The following RBFOX3 variants were observed in gnomAD, a reference collection of about 807,000 sequenced individuals.
RBFOX3 encodes the protein RNA binding protein fox-1 homolog 3.
In RBFOX3, 17 loss-of-function variants were observed where a neutral mutation model predicts 48.7. The observed-to-expected ratio is 0.35, with a 90% CI of 0.24 to 0.52. The LOEUF is 0.52. Among genes scored for constraint, RBFOX3 ranks in the 20% least tolerant of loss-of-function variants. RBFOX3 has a pLI of 0.94. For synonymous variants in RBFOX3, 212 were observed against 209.5 expected (o/e 1.01, Z -0.10); for missense variants, 382 against 497.5 (o/e 0.77, Z 2.21).
intron 1 of RBFOX3, among the ~76,000 whole-genome samples, chr17:79,568,744 C>A (rs2144472523): frequency 6.6e-6 from 1 of 152,270 alleles, no homozygotes; most frequent in Non-Finnish European, 1.5e-5. Context: ...CCAGCTCCGC[C>A]CCCATTTAAA....
At chr17:79,584,363 AT>A (rs1467335985) in intron 1 of RBFOX3, among the ~76,000 whole-genome samples, 3 of 152,266 alleles carry the variant, frequency 2.0e-5, no homozygotes, top group Non-Finnish European at 4.4e-5. Flanking sequence ...TAGAACTACC[AT>A]TTGATCCAAC....
At chr17:79,179,377 A>C (rs757640801) in intron 4 of RBFOX3, among the ~76,000 whole-genome samples, 5 of 152,232 alleles carry the variant, frequency 3.3e-5, no homozygotes, top group Admixed American at 6.5e-5. Context: ...CCTCCACGGA[A>C]GCTTCCGGTG....
At chr17:79,190,110 C>T (rs1373752810) in intron 4 of RBFOX3, among the ~76,000 whole-genome samples, 1 of 152,230 alleles carries the variant, frequency 6.6e-6, no homozygotes, top group African/African-American at 2.4e-5. Context: ...CTCTTTCCCC[C>T]AATCAAATAA....
upstream of RBFOX3, among the ~76,000 whole-genome samples, chr17:79,615,118 G>A (rs1309556477): frequency 2.0e-5 from 3 of 151,962 alleles, no homozygotes; most frequent in Non-Finnish European, 2.9e-5. Context: ...GAGCAGGAAC[G>A]AGAATAGCTC....
rs113753595 is a variant in RBFOX3 at position 79,381,209 on chromosome 17, A to C, written c.-174-73385T>G. ...TGGGAGGCGGAGGTTGCAATGAGCC[A>C]AGATCCCGCCACTGCATTCCAGCCT... On this transcript the variant is annotated intron_variant, in intron 2 of 14. Transcript: ENST00000693108. Among the ~76,000 whole-genome samples the C allele has an allele frequency of 2.5e-3, 380 of 152,020 alleles. 2 individuals carry two copies. The highest frequency in any genetic ancestry group is 8.9e-3 in the African/African-American group (367 of 41,462).
At chr17:79,422,956 C>T (rs547502904) in intron 2 of RBFOX3, among the ~76,000 whole-genome samples, 4 of 152,258 alleles carry the variant, frequency 2.6e-5, no homozygotes, top group Admixed American at 6.5e-5. Context: ...CAGGGGTGCA[C>T]AGAAAAGGCC....
At chr17:79,202,666 C>G (rs2056938257) in intron 4 of RBFOX3, among the ~76,000 whole-genome samples, 2 of 152,260 alleles carry the variant, frequency 1.3e-5, no homozygotes. Flanking sequence ...CCCTCCTGCT[C>G]TTTTATTCCA....
intron 5 of RBFOX3, among the ~76,000 whole-genome samples, chr17:79,112,389 C>T (rs1021162154): frequency 2.6e-5 from 4 of 152,178 alleles, no homozygotes; most frequent in African/African-American, 7.2e-5. Context: ...TGAACACGGA[C>T]TTCCCACCAA....
intron 2 of RBFOX3, among the ~76,000 whole-genome samples, chr17:79,462,248 C>G (rs148164799): frequency 6.6e-6 from 1 of 152,196 alleles, no homozygotes; most frequent in African/African-American, 2.4e-5. Flanking sequence ...AACGATGTAA[C>G]GATAAGATGC....
At chr17:79,271,745 G>A (rs1249434340) in intron 3 of RBFOX3, among the ~76,000 whole-genome samples, 1 of 105,168 alleles carries the variant, frequency 9.5e-6, no homozygotes, top group East Asian at 3.9e-4. Context: ...AGACAGTAAG[G>A]ACACTGGTCC....
At chr17:79,094,648 A>G in intron 13 of RBFOX3, 119 bp from the exon 14 acceptor site, 1 of 593,446 alleles carries the variant, frequency 1.7e-6, no homozygotes, top group Non-Finnish European at 2.7e-6. Context: ...CCGAGGTCCC[A>G]TCTGCAAGGC....
chr17:79,211,937 A>G (rs2147143047), intron 4 of RBFOX3, among the ~76,000 whole-genome samples: 1 of 151,738 alleles, frequency 6.6e-6, no homozygotes, highest in Non-Finnish European at 1.5e-5. Context: ...CGTGGGGGGG[A>G]ACAAGACAGA....
intron 3 of RBFOX3, among the ~76,000 whole-genome samples, chr17:79,264,424 C>T (rs1280864657): frequency 2.6e-5 from 4 of 151,736 alleles, no homozygotes; most frequent in East Asian, 1.9e-4. Context: ...AGGCTGTCCT[C>T]GAACTCCTGG....
At chr17:79,383,846 G>A (rs2060234237) in intron 2 of RBFOX3, among the ~76,000 whole-genome samples, 1 of 152,170 alleles carries the variant, frequency 6.6e-6, no homozygotes, top group South Asian at 2.1e-4. Context: ...AGGCCTCCCT[G>A]GCCAACACTG....
intron 3 of RBFOX3, among the ~76,000 whole-genome samples, chr17:79,306,153 C>T (rs191330125): frequency 1.1e-3 from 169 of 152,374 alleles, no homozygotes; most frequent in Middle Eastern, 3.4e-3. Flanking sequence ...GCGGCTGCTG[C>T]AGCCAGATAA....
intron 2 of RBFOX3, among the ~76,000 whole-genome samples, chr17:79,467,630 G>T (rs1305236992): frequency 6.6e-6 from 1 of 152,134 alleles, no homozygotes; most frequent in Non-Finnish European, 1.5e-5. Context: ...TGCAGATGGT[G>T]GGGGGCAGCA....
chr17:79,626,595 G>A, the RBFOX3 span, among the ~76,000 whole-genome samples: 7 of 152,208 alleles, frequency 4.6e-5, no homozygotes, highest in African/African-American at 1.7e-4. Context: ...CATCGTCCAG[G>A]ATAAAGACCA....
chr17:79,648,127 G>A, the RBFOX3 span, among the ~76,000 whole-genome samples: 51 of 152,242 alleles, frequency 3.3e-4, no homozygotes, highest in African/African-American at 1.1e-3. Flanking sequence ...TAGTCCCTCC[G>A]AAGCAACAGT....
chr17:79,279,708 T>C (rs2069795383), intron 3 of RBFOX3, among the ~76,000 whole-genome samples: 1 of 152,218 alleles, frequency 6.6e-6, no homozygotes, highest in Non-Finnish European at 1.5e-5. Flanking sequence ...CAGACAGCTC[T>C]GCCCTGCAGG....
Sources: allele counts gnomAD v4.1 joint callset (sites outside exome capture counted in the v4.1 genomes callset), GRCh38; gene constraint gnomAD v4.1.1; transcripts MANE v1.5; gene names NCBI Gene and HGNC (gene_info 2026-07-23, HGNC 2026-07-21).